The following FUT8 variants were observed in gnomAD, a reference collection of about 807,000 sequenced individuals.
FUT8 encodes fucosyltransferase 8.
A neutral mutation model predicts 71.3 loss-of-function variants in FUT8; 29 were observed. The observed-to-expected ratio is 0.41, with a 90% confidence interval of 0.30 to 0.55. The LOEUF (loss-of-function observed/expected upper bound fraction) is 0.55, where lower values mean the gene tolerates loss of function less well. Ranked by LOEUF, FUT8 falls within the 20% of genes least tolerant of loss-of-function variation. FUT8 has a pLI of 0.34. For missense variants in FUT8, 544 were observed against 702.1 expected (o/e 0.77, Z 2.55); for synonymous variants, 254 against 239.3 (o/e 1.06, Z -0.57).
At chr14:65,521,281 G>A (rs1020261169) in intron 2 of FUT8, among the ~76,000 whole-genome samples, 1 of 152,104 alleles carries the variant, frequency 6.6e-6, no homozygotes, top group East Asian at 1.9e-4. Flanking sequence ...CATGATGTTA[G>A]CATTTATAAT....
chr14:65,513,150 C>T (rs1882475322), intron 2 of FUT8, among the ~76,000 whole-genome samples: 2 of 152,106 alleles, frequency 1.3e-5, no homozygotes, highest in Non-Finnish European at 2.9e-5. Context: ...GCATCTGGTT[C>T]AAGAGGGTGT....
At chr14:65,675,519 C>T (rs1346846641) in intron 7 of FUT8, among the ~76,000 whole-genome samples, 1 of 152,178 alleles carries the variant, frequency 6.6e-6, no homozygotes, top group East Asian at 1.9e-4. Context: ...TTACCTTCCT[C>T]TGCTGTTAGG....
At chr14:65,663,775 G>A (rs949271461) in intron 6 of FUT8, among the ~76,000 whole-genome samples, 4 of 151,980 alleles carry the variant, frequency 2.6e-5, no homozygotes, top group African/African-American at 7.2e-5. Context: ...TCATTAAGCC[G>A]CTTGTACAGA....
intron 7 of FUT8, among the ~76,000 whole-genome samples, chr14:65,685,022 AACTC>A (rs1566894674): frequency 6.6e-6 from 1 of 152,134 alleles, no homozygotes; most frequent in Admixed American, 6.5e-5. Flanking sequence ...AGGTAAGAGA[AACTC>A]ACAGAAAAGG....
intron 7 of FUT8, among the ~76,000 whole-genome samples, chr14:65,676,025 G>C (rs543008179): frequency 2.6e-4 from 40 of 151,256 alleles, no homozygotes; most frequent in African/African-American, 8.7e-4. Context: ...AAAAATAAAT[G>C]TAATAAACAA....
the FUT8 span, among the ~76,000 whole-genome samples, chr14:65,365,648 C>T: frequency 2.6e-5 from 4 of 152,146 alleles, no homozygotes. Flanking sequence ...GCTGCACTCC[C>T]ACCAGCGCCA....
chr14:65,543,649 CAG>C (rs1331297047), intron 2 of FUT8, among the ~76,000 whole-genome samples: 1 of 152,136 alleles, frequency 6.6e-6, no homozygotes, highest in Non-Finnish European at 1.5e-5. Flanking sequence ...AGCCTACCCT[CAG>C]GGATAAATTC....
At chr14:65,453,781 T>A (rs1469631006) in intron 1 of FUT8, among the ~76,000 whole-genome samples, 2 of 152,158 alleles carry the variant, frequency 1.3e-5, no homozygotes, top group Admixed American at 1.3e-4. Flanking sequence ...ATTTAGTTGA[T>A]GACTCAAGTG....
chr14:65,502,465 T>C (rs1026849925), intron 2 of FUT8, among the ~76,000 whole-genome samples: 22 of 152,136 alleles, frequency 1.4e-4, no homozygotes. Flanking sequence ...CCTCAAGTGA[T>C]CTGTCCGCCT....
chr14:65,635,939 G>A (rs1007743318), intron 6 of FUT8, among the ~76,000 whole-genome samples: 17 of 151,940 alleles, frequency 1.1e-4, no homozygotes, highest in Non-Finnish European at 2.5e-4. Flanking sequence ...ATGTCTGGTA[G>A]AATTCAGCTG....
Position 65,695,169 on chromosome 14 carries a change from T to A in FUT8, c.835+25689T>A, listed in dbSNP as rs1893930349. ...GTGGCTAGATGAAGTATTCTATAAA[T>A]CAATTAGATTGATGGTGCTGCTCAG... On this transcript the variant is annotated intron_variant, in intron 7 of 10. Transcript: ENST00000673929. Among the ~76,000 whole-genome samples the A allele has an allele frequency of 6.6e-5, 10 of 152,192 alleles. No homozygotes were observed. In the South Asian group the frequency reaches 2.1e-3, roughly 32 times the overall value.
chr14:65,405,696 T>C (rs2065086922), upstream of FUT8, among the ~76,000 whole-genome samples: 1 of 152,200 alleles, frequency 6.6e-6, no homozygotes, highest in African/African-American at 2.4e-5. Context: ...CAACTACTGG[T>C]CAGCAAAACC....
intron 2 of FUT8, among the ~76,000 whole-genome samples, chr14:65,473,933 A>C (rs1370616014): frequency 2.0e-5 from 3 of 152,172 alleles, no homozygotes; most frequent in Non-Finnish European, 4.4e-5. Context: ...TATTCTATAC[A>C]GGTATATGTA....
At chr14:65,600,090 T>C (rs1360655787) in intron 3 of FUT8, among the ~76,000 whole-genome samples, 1 of 152,204 alleles carries the variant, frequency 6.6e-6, no homozygotes, top group African/African-American at 2.4e-5. Context: ...TTGTACACTT[T>C]AGCCAAGTAA....
At chr14:65,578,739 G>C (rs771794766) in intron 3 of FUT8, among the ~76,000 whole-genome samples, 4 of 152,094 alleles carry the variant, frequency 2.6e-5, no homozygotes, top group African/African-American at 9.7e-5. Flanking sequence ...GCTGTCTGAA[G>C]GAGAACAAAT....
chr14:65,494,553 A>G (rs2066530855), intron 2 of FUT8, among the ~76,000 whole-genome samples: 1 of 152,204 alleles, frequency 6.6e-6, no homozygotes, highest in South Asian at 2.1e-4. Flanking sequence ...CTCCAGTTGT[A>G]TCCAGAGAAT....
chr14:65,441,781 A>G (rs1486492687), intron 1 of FUT8, among the ~76,000 whole-genome samples: 1 of 140,588 alleles, frequency 7.1e-6, no homozygotes, highest in Non-Finnish European at 1.5e-5. Context: ...AAAAAAAATC[A>G]GTTTGTATTT....
chr14:65,525,410 T>C lies in FUT8; in HGVS notation c.-227-35927T>C, dbSNP rs1373265689. On this transcript the variant is annotated intron_variant, in intron 2 of 10. Transcript: ENST00000673929. ...TATTTCTGTGGGATTGGTGATGATA[T>C]CCCCTTTATCATTTTTTATTGCGTC... is the stretch of plus-strand genomic sequence containing the variant. Among the ~76,000 whole-genome samples the C allele has an allele frequency of 3.9e-5, 6 of 152,328 alleles. No homozygotes were observed. In the East Asian group the frequency reaches 1.2e-3, roughly 29 times the overall value.
At chr14:65,611,382 T>C (rs921157148) in intron 3 of FUT8, among the ~76,000 whole-genome samples, 6 of 151,390 alleles carry the variant, frequency 4.0e-5, no homozygotes, top group Non-Finnish European at 5.9e-5. Flanking sequence ...GCCAGTTTAA[T>C]TGATTTTCTT....
Sources: allele counts gnomAD v4.1 joint callset (sites outside exome capture counted in the v4.1 genomes callset), GRCh38; gene constraint gnomAD v4.1.1; transcripts MANE v1.5; gene names NCBI Gene and HGNC (gene_info 2026-07-23, HGNC 2026-07-21).